PGGT1B: variants seen among roughly 807,000 people sequenced by gnomAD.
PGGT1B encodes protein geranylgeranyltransferase type I subunit beta, also known as geranylgeranyl transferase type-1 subunit beta.
Under a neutral mutation model 46.1 loss-of-function variants are expected in PGGT1B, and 30 were observed. That is an observed-to-expected ratio of 0.65 (90% confidence interval 0.49 to 0.88). The LOEUF is 0.88. Ranked by LOEUF, PGGT1B falls within the 40% of genes least tolerant of loss-of-function variation. The pLI, the probability that PGGT1B is intolerant of heterozygous loss-of-function variation, is 0.00. For missense variants in PGGT1B, 376 were observed against 455.9 expected, an observed-to-expected ratio of 0.82 and a Z score of 1.60; for synonymous variants, 170 against 160.0, an observed-to-expected ratio of 1.06 and a Z score of -0.47.
intron 2 of PGGT1B, chr5:115,252,892 C>A (rs940787848): frequency 4.6e-6 from 2 of 430,194 alleles, no homozygotes; most frequent in African/African-American, 2.1e-5. Flanking sequence ...AAGTATACAA[C>A]ATAGTATGGT....
rs35711954 is a variant in PGGT1B, at chr5:115,238,291, A to ATTTTTTTTTTTTTTTTTTTTTTT, written c.328-305_328-283dup. Among the ~76,000 whole-genome samples the ATTTTTTTTTTTTTTTTTTTTTTT allele has an allele frequency of 2.3e-4, 11 of 46,964 alleles. 2 individuals are homozygous for ATTTTTTTTTTTTTTTTTTTTTTT. The highest frequency in any genetic ancestry group is 3.9e-4 in the African/African-American group (5 of 12,888). 30.8% of individuals were successfully genotyped at this position (46,964 alleles called of 152,430 possible). A position where few individuals can be genotyped will look rare whatever the true frequency, so the allele number is the denominator to read the frequency against. On this transcript the variant is annotated intron_variant, in intron 3 of 8. Coordinates refer to ENST00000419445, the MANE Select transcript of PGGT1B (RefSeq NM_005023.4). Reference sequence around the variant, plus strand: ...AATTATGTATTACTTATTTTTTTGGATTTTTTTTTTTTTTTTTTTTTTTTT... The same window carrying ATTTTTTTTTTTTTTTTTTTTTTT: ...AATTATGTATTACTTATTTTTTTGGATTTTTTTTTTTTTTTTTTTTTTTTTTTTTTTTTTTTTTTTTTTTTTTT...
At position 115,211,011 on chromosome 5, in the gene PGGT1B, T is replaced by C. The variant is rs1361261356; in HGVS notation, c.*1391A>G. The C allele has an allele frequency of 1.3e-5, 2 of 152,108 alleles. No homozygotes were observed. The highest frequency in any genetic ancestry group is 2.9e-5 in the Non-Finnish European group (2 of 67,960). 9.4% of individuals were successfully genotyped at this position (152,108 alleles called of 1,614,324 possible). A position where few individuals can be genotyped will look rare whatever the true frequency, so the allele number is the denominator to read the frequency against. On this transcript the variant is annotated 3_prime_UTR_variant, in exon 9 of 9. Transcript: ENST00000419445. ...TTATTTCACAACATTTTTTTCCCTC[T>C]GATTTAGAAAAAAAGATAACATTTA...
chr5:115,214,462 C>T lies in PGGT1B; in HGVS notation c.953-1879G>A, dbSNP rs138403587. On this transcript the variant is annotated intron_variant, in intron 8 of 8. Transcript: ENST00000419445. ...TTCTTTCATAAATGTATATAAAATCCCTTTGTATCAAATTTGCCACTAAAT... is the reference window on the plus strand; with the variant it reads ...TTCTTTCATAAATGTATATAAAATCTCTTTGTATCAAATTTGCCACTAAAT... Among the ~76,000 whole-genome samples the T allele has an allele frequency of 6.9e-3, 1,053 of 152,082 alleles. 8 individuals are homozygous for T. The highest frequency in any genetic ancestry group is 0.017 in the Middle Eastern group (5 of 294).
At chr5:115,215,300 A>G (rs7719432) in intron 8 of PGGT1B, among the ~76,000 whole-genome samples, 1,769 of 149,066 alleles carry the variant, frequency 0.012, 35 homozygotes, top group African/African-American at 0.042. Context: ...CCGGCCATTT[A>G]TTTTATTTTA....
rs1406033056 is a variant in PGGT1B, at chr5:115,216,951, G to A, written c.866C>T (p.Thr289Ile). ...TLKLLKIFQY[T>I]NFEKNRNYIL... ...GTAATTTCTATTTTTCTCAAAGTTA[G>A]TGTATTGGAAAATTTTTAGAAGCTG... is the stretch of plus-strand genomic sequence containing the variant. Residue 289 changes from threonine (T) to isoleucine (I), a missense_variant, in exon 8 of 9, where the codon ACT (threonine) becomes ATT (isoleucine). This residue lies in a region of PGGT1B where 222 missense variants were observed against 313.6 expected (regional missense o/e 0.71). Coordinates refer to ENST00000419445, the MANE Select transcript of PGGT1B (RefSeq NM_005023.4). 6.5e-6 allele frequency: 10 copies of A among 1,542,032 alleles called. No homozygotes were observed. The highest frequency in any genetic ancestry group is 8.1e-6 in the Non-Finnish European group (9 of 1,116,836).
At chr5:115,233,125 C>T (rs546161898) in intron 5 of PGGT1B, among the ~76,000 whole-genome samples, 12 of 151,896 alleles carry the variant, frequency 7.9e-5, no homozygotes, top group South Asian at 2.1e-4. Context: ...GCAAATGAAA[C>T]GCTAACACCT....
At chr5:115,260,137 T>C (rs543422402) in intron 1 of PGGT1B, among the ~76,000 whole-genome samples, 1 of 152,284 alleles carries the variant, frequency 6.6e-6, no homozygotes, top group Admixed American at 6.5e-5. Context: ...CCGCAGACAA[T>C]ACACTCTTTA....
intron 2 of PGGT1B, among the ~76,000 whole-genome samples, chr5:115,243,528 T>C (rs1757414322): frequency 6.6e-6 from 1 of 152,140 alleles, no homozygotes; most frequent in Non-Finnish European, 1.5e-5. Context: ...CAAAATAATA[T>C]GAATGGTGTG....
intron 2 of PGGT1B, among the ~76,000 whole-genome samples, chr5:115,248,406 C>T (rs1747946977): frequency 6.6e-6 from 1 of 152,186 alleles, no homozygotes; most frequent in Non-Finnish European, 1.5e-5. Context: ...CCTTAATGTC[C>T]TCATTTGTAA....
At position 115,206,113 on chromosome 5, in the gene PGGT1B, T is replaced by C. The variant is rs1462049497; in HGVS notation, c.*6289A>G. Reference sequence around the variant, plus strand: ...GAATATTTAGTACCTCAGATCTTTATGTATAGTATACATACATATATCTAT... The same window carrying C: ...GAATATTTAGTACCTCAGATCTTTACGTATAGTATACATACATATATCTAT... On this transcript the variant is annotated 3_prime_UTR_variant, in exon 9 of 9. Transcript: ENST00000419445. 1 of 151,974 alleles carries C rather than the reference T, an allele frequency of 6.6e-6. No homozygotes were observed. The highest frequency in any genetic ancestry group is 2.4e-5 in the African/African-American group (1 of 41,444). The allele number at this position is 151,974 out of a possible 1,614,324, so 9.4% of individuals were successfully genotyped here.
rs1192164915 is a variant in PGGT1B at position 115,208,562 on chromosome 5, T to C, written c.*3840A>G. On this transcript the variant is annotated 3_prime_UTR_variant, in exon 9 of 9. Transcript: ENST00000419445. The stretch of plus-strand genomic sequence containing the variant: ...TTTAAACAAATTTCCTGTTTTACTA[T>C]TTCCCCCTTGTCATTTAAATTTTTG... 1 of 152,066 alleles carries C rather than the reference T, an allele frequency of 6.6e-6. No homozygotes were observed. The highest frequency in any genetic ancestry group is 1.5e-5 in the Non-Finnish European group (1 of 67,950). The allele number at this position is 152,066 out of a possible 1,614,324, so 9.4% of individuals were successfully genotyped here.
At chr5:115,221,403 G>A (rs771579259) in intron 7 of PGGT1B, among the ~76,000 whole-genome samples, 47 of 151,830 alleles carry the variant, frequency 3.1e-4, no homozygotes, top group African/African-American at 1.1e-3. Flanking sequence ...GTCCTTACAT[G>A]GTTTTTGAAG....
intron 1 of PGGT1B, among the ~76,000 whole-genome samples, chr5:115,255,916 CT>C (rs1186036743): frequency 6.6e-6 from 1 of 152,102 alleles, no homozygotes; most frequent in African/African-American, 2.4e-5. Flanking sequence ...TTAAAAACTG[CT>C]CATTAGAATC....
intron 1 of PGGT1B, 103 bp downstream of exon 1, chr5:115,262,609 C>T (rs1748612255): frequency 2.3e-6 from 3 of 1,329,512 alleles, no homozygotes; most frequent in Non-Finnish European, 3.1e-6. Context: ...ACTGGGCGGC[C>T]GCGCAGCCCC....
chr5:115,241,232 TCAC>T (rs1260018089), intron 3 of PGGT1B, among the ~76,000 whole-genome samples: 7 of 152,178 alleles, frequency 4.6e-5, no homozygotes, highest in African/African-American at 1.7e-4. Context: ...ACTCAGGAAA[TCAC>T]CAATAACTTT....
intron 3 of PGGT1B, among the ~76,000 whole-genome samples, chr5:115,239,955 C>T (rs1400173755): frequency 6.6e-6 from 1 of 152,188 alleles, no homozygotes; most frequent in Non-Finnish European, 1.5e-5. Context: ...TTGGTGGCTT[C>T]AGAAGAAAAC....
At chr5:115,258,630 G>GCAACAA (rs886718039) in intron 1 of PGGT1B, among the ~76,000 whole-genome samples, 1 of 151,988 alleles carries the variant, frequency 6.6e-6, no homozygotes, top group Non-Finnish European at 1.5e-5. Context: ...TTGTCCATTT[G>GCAACAA]CAACAACAAC....
chr5:115,212,374 TC>T lies in PGGT1B; in HGVS notation c.*27del. On this transcript the variant is annotated 3_prime_UTR_variant, in exon 9 of 9. Coordinates refer to ENST00000419445, the MANE Select transcript of PGGT1B (RefSeq NM_005023.4). Reference sequence around the variant, plus strand: ...ACTTGAGCTACAGTTATGCTACAAATCCCCCCACCCTCCCAATCTAAAATCA... The same window carrying T: ...ACTTGAGCTACAGTTATGCTACAAATCCCCCACCCTCCCAATCTAAAATCA... 1 of 1,554,732 alleles carries T rather than the reference TC, an allele frequency of 6.4e-7. No individual in the cohort carries two copies. Among genetic ancestry groups the T allele is most frequent in the Non-Finnish European group, 8.8e-7 (1 of 1,131,912 alleles).
intron 6 of PGGT1B, among the ~76,000 whole-genome samples, chr5:115,224,816 A>G (rs1756714260): frequency 1.3e-5 from 2 of 150,244 alleles, no homozygotes; most frequent in Non-Finnish European, 3.0e-5. Context: ...CCTGGGCGAC[A>G]GAGAGAGACT....
Sources: gnomAD v4.1 joint callset for allele counts (sites outside exome capture counted in the v4.1 genomes callset) on GRCh38, gnomAD v4.1.1 for gene constraint, gnomAD v4.1.1 regional missense constraint, MANE v1.5 for transcripts, NCBI Gene and HGNC (gene_info 2026-07-23, HGNC 2026-07-21) for gene names.